Variants in EBAG9 observed in about 807,000 individuals in gnomAD.
EBAG9 encodes estrogen receptor binding site associated antigen 9.
In EBAG9, 16 loss-of-function variants were observed where a neutral mutation model predicts 30.9. The ratio of observed to expected loss-of-function variants is 0.52; its 90% CI spans 0.35 to 0.79. The LOEUF is 0.79. Ranked by LOEUF, EBAG9 falls within the 30% of genes least tolerant of loss-of-function variation. The pLI is 0.01. For missense variants in EBAG9, 197 were observed against 242.1 expected, an observed-to-expected ratio of 0.81 and a Z score of 1.24; for synonymous variants, 93 against 82.8, an observed-to-expected ratio of 1.12 and a Z score of -0.67.
chr8:109,563,634 T>G, intron 6 of EBAG9: 1 of 1,285,066 alleles, frequency 7.8e-7, no homozygotes, highest in South Asian at 1.5e-5. Flanking sequence ...TGTGCAGGTT[T>G]GTTACACAGG....
intron 1 of EBAG9, among the ~76,000 whole-genome samples, chr8:109,546,362 C>T (rs868091364): frequency 6.6e-6 from 1 of 152,140 alleles, no homozygotes; most frequent in Non-Finnish European, 1.5e-5. Context: ...AATATATATA[C>T]ACTCACCTAT....
At chr8:109,556,470 A>G (rs985916975) in intron 4 of EBAG9, among the ~76,000 whole-genome samples, 2 of 152,136 alleles carry the variant, frequency 1.3e-5, no homozygotes, top group Non-Finnish European at 1.5e-5. Context: ...GTATATTGCT[A>G]TAGTGCCTTA....
upstream of EBAG9, chr8:109,539,897 C>T (rs1821234730): frequency 6.6e-6 from 1 of 151,052 alleles, no homozygotes; most frequent in Non-Finnish European, 1.5e-5. Flanking sequence ...CTCCGCCGGG[C>T]GGGCGGGGAG....
chr8:109,558,174 G>T (rs189007069), intron 5 of EBAG9, among the ~76,000 whole-genome samples: 5 of 152,274 alleles, frequency 3.3e-5, no homozygotes, highest in Admixed American at 6.5e-5. Context: ...AGTTGCTTCT[G>T]AGGTCCCTCT....
intron 5 of EBAG9, among the ~76,000 whole-genome samples, chr8:109,560,515 GAGAA>G (rs370149512): frequency 2.6e-5 from 4 of 152,286 alleles, no homozygotes; most frequent in Non-Finnish European, 5.9e-5. Flanking sequence ...TTACTGAGGA[GAGAA>G]AGAAACAAAA....
At chr8:109,558,789 A>G (rs1053377258) in intron 5 of EBAG9, among the ~76,000 whole-genome samples, 1 of 152,182 alleles carries the variant, frequency 6.6e-6, no homozygotes, top group Non-Finnish European at 1.5e-5. Context: ...TAAACTACAC[A>G]TTTTATTCTT....
chr8:109,560,546 G>T (rs956721497), intron 5 of EBAG9, among the ~76,000 whole-genome samples: 3 of 152,136 alleles, frequency 2.0e-5, no homozygotes, highest in African/African-American at 7.2e-5. Flanking sequence ...TTCTGTTCTT[G>T]TTCCTTCCAA....
chr8:109,564,689 G>GATC lies in EBAG9; in HGVS notation c.*130_*131insATC. 4.3e-5 allele frequency: 56 copies of GATC among 1,306,688 alleles called. No homozygotes were observed. The highest frequency in any genetic ancestry group is 2.1e-4 in the Middle Eastern group (1 of 4,726). The allele number at this position is 1,306,688 out of a possible 1,614,324, so 80.9% of individuals were successfully genotyped here. On this transcript the variant is annotated 3_prime_UTR_variant, in exon 7 of 7. Transcript: ENST00000337573. ...TTTAATACATTGATCAGGCCATCCA[G>GATC]GACACCACGATTCTCCCAAAGTACC...
chr8:109,544,142 A>G (rs530086169), intron 1 of EBAG9, among the ~76,000 whole-genome samples: 18 of 152,196 alleles, frequency 1.2e-4, no homozygotes, highest in Admixed American at 3.3e-4. Flanking sequence ...ATGCTCATGT[A>G]AGGTAATTAA....
At position 109,556,958 on chromosome 8, in the gene EBAG9, A is replaced by G. The variant is rs1821609983; in HGVS notation, c.345A>G (p.Pro115=). 17 of 1,599,182 alleles carry G rather than the reference A, an allele frequency of 1.1e-5. No individual in the cohort carries two copies. Among genetic ancestry groups the G allele is most frequent in the East Asian group, 2.3e-5 (1 of 44,336 alleles). The change falls in exon 5 of 7, where the codon CCA becomes CCG. Residue 115 remains proline, a synonymous_variant. Transcript: ENST00000337573. Reference sequence around the variant, plus strand: ...AGATTGTTATTAAGAAGAGAGAACCATTGAATTTTGGCATCCCAGATGGGA... The same window carrying G: ...AGATTGTTATTAAGAAGAGAGAACCGTTGAATTTTGGCATCCCAGATGGGA... ...TQKIVIKKRE[P]LNFGIPDGST...
chr8:109,557,930 A>G (rs1821633755), intron 5 of EBAG9: 1 of 260,242 alleles, frequency 3.8e-6, no homozygotes, highest in African/African-American at 2.3e-5. Flanking sequence ...GTAAGTTATA[A>G]GACGGTGAGA....
intron 6 of EBAG9, 131 bp downstream of exon 6, chr8:109,561,060 C>CTT: frequency 2.6e-5 from 15 of 587,216 alleles, no homozygotes; most frequent in South Asian, 5.4e-5. Context: ...ATAATAAGGA[C>CTT]TTTTTTTTTT....
At chr8:109,563,621 G>T in intron 6 of EBAG9, 1 of 1,381,646 alleles carries the variant, frequency 7.2e-7, no homozygotes, top group East Asian at 2.4e-5. Flanking sequence ...GACATGTGCA[G>T]GATGTGCAGG....
chr8:109,554,634 A>G, intron 3 of EBAG9, 95 bp from the exon 4 acceptor site: 1 of 1,264,368 alleles, frequency 7.9e-7, no homozygotes, highest in Non-Finnish European at 1.1e-6. Context: ...TTTGAAAACC[A>G]GTGTTTTAGA....
intron 1 of EBAG9, among the ~76,000 whole-genome samples, chr8:109,548,253 T>C (rs1298423368): frequency 6.6e-6 from 1 of 152,168 alleles, no homozygotes; most frequent in Non-Finnish European, 1.5e-5. Context: ...TCTTAATAAC[T>C]ATTCTTTTCT....
Position 109,550,884 on chromosome 8 carries a change from A to G in EBAG9, c.60A>G (p.Ser20=), listed in dbSNP as rs1373259216. The change falls in exon 2 of 7, where the codon TCA becomes TCG. Residue 20 remains serine (S), a synonymous_variant. Coordinates refer to ENST00000337573, the MANE Select transcript of EBAG9 (RefSeq NM_004215.5). ...KFCTCLATVF[S]FLKRLICRSG... is the part of the protein sequence containing the mutation. ...GTACCTGCCTAGCAACAGTATTCTC[A>G]TTCCTAAAGAGATTAATATGCAGGT... 4.4e-6 allele frequency: 7 copies of G among 1,590,838 alleles called. No homozygotes were observed. The highest frequency in any genetic ancestry group is 6.0e-6 in the Non-Finnish European group (7 of 1,164,526).
chr8:109,564,677 T>G lies in EBAG9; in HGVS notation c.*118T>G. 1 of 1,438,312 alleles carries G rather than the reference T, an allele frequency of 7.0e-7. No individual in the cohort carries two copies. The highest frequency in any genetic ancestry group is 9.4e-7 in the Non-Finnish European group (1 of 1,061,350). The allele number at this position is 1,438,312 out of a possible 1,614,324, so 89.1% of individuals were successfully genotyped here. The stretch of plus-strand genomic sequence containing the variant: ...ATACTGCTTGATTTTAATACATTGA[T>G]CAGGCCATCCAGGACACCACGATTC... On this transcript the variant is annotated 3_prime_UTR_variant, in exon 7 of 7. Transcript: ENST00000337573.
intron 1 of EBAG9, among the ~76,000 whole-genome samples, chr8:109,545,843 T>C (rs1821373887): frequency 6.6e-6 from 1 of 152,236 alleles, no homozygotes. Context: ...ATTCCAGTTC[T>C]ATAACTTATC....
intron 5 of EBAG9, 91 bp from the exon 6 acceptor site, chr8:109,560,747 T>C: frequency 1.2e-6 from 1 of 842,824 alleles, no homozygotes; most frequent in East Asian, 2.7e-5. Context: ...TGACAGGTTC[T>C]GAGTTATGTG....
Sources: gnomAD v4.1 joint callset for allele counts (sites outside exome capture counted in the v4.1 genomes callset) on GRCh38, gnomAD v4.1.1 for gene constraint, MANE v1.5 for transcripts, NCBI Gene and HGNC (gene_info 2026-07-23, HGNC 2026-07-21) for gene names.